Variants in ACACA observed in about 807,000 individuals in gnomAD.
ACACA encodes acetyl-CoA carboxylase 1.
In ACACA, 103 loss-of-function variants were observed where a neutral mutation model predicts 296.1. The observed-to-expected ratio is 0.35, with a 90% confidence interval of 0.30 to 0.41. ACACA has a LOEUF of 0.41. Among genes scored for constraint, ACACA ranks in the 10% least tolerant of loss-of-function variants. The probability of loss-of-function intolerance (pLI) is 1.00; values close to 1 mark genes in which losing one functional copy is unlikely to be tolerated. For synonymous variants in ACACA, 953 were observed against 1,038.6 expected (o/e 0.92, Z 1.58); for missense variants, 1,554 against 2,989.7 (o/e 0.52, Z 11.20).
At chr17:37,223,242 G>T (rs2079378623) in intron 28 of ACACA, among the ~76,000 whole-genome samples, 1 of 152,146 alleles carries the variant, frequency 6.6e-6, no homozygotes, top group African/African-American at 2.4e-5. Context: ...TGAAATGGGA[G>T]AATTCAAATA....
chr17:37,129,830 G>A (rs2075004508), intron 46 of ACACA, among the ~76,000 whole-genome samples: 1 of 152,148 alleles, frequency 6.6e-6, no homozygotes, highest in Non-Finnish European at 1.5e-5. Flanking sequence ...GCCTTAGGTA[G>A]GCCATGAGGG....
intron 1 of ACACA, among the ~76,000 whole-genome samples, chr17:37,399,844 C>T (rs1052114065): frequency 4.0e-5 from 6 of 151,888 alleles, no homozygotes; most frequent in Admixed American, 1.3e-4. Flanking sequence ...TGGTTTTTTG[C>T]TTTATTTTTA....
At chr17:37,361,269 C>A (rs1233627476) in intron 1 of ACACA, among the ~76,000 whole-genome samples, 1 of 151,980 alleles carries the variant, frequency 6.6e-6, no homozygotes, top group Non-Finnish European at 1.5e-5. Context: ...GATCTCTTGA[C>A]CTCGTGATCC....
chr17:37,334,812 G>A (rs368024570), intron 2 of ACACA, among the ~76,000 whole-genome samples: 4 of 134,294 alleles, frequency 3.0e-5, no homozygotes, highest in African/African-American at 5.8e-5. Context: ...AGAATGCAGC[G>A]TCCCGGAAAT....
intron 50 of ACACA, among the ~76,000 whole-genome samples, chr17:37,118,680 T>G (rs2074375833): frequency 6.6e-6 from 1 of 152,192 alleles, no homozygotes; most frequent in African/African-American, 2.4e-5. Flanking sequence ...ACTCTGCCAT[T>G]TTGTAGCTGA....
intron 3 of ACACA, among the ~76,000 whole-genome samples, chr17:37,310,663 TG>T (rs2084086244): frequency 6.6e-6 from 1 of 151,194 alleles, no homozygotes. Context: ...GGCATGATGG[TG>T]GGCGCCTGTA....
chr17:37,317,720 A>G (rs1476568274), intron 3 of ACACA, among the ~76,000 whole-genome samples: 1 of 152,224 alleles, frequency 6.6e-6, no homozygotes. Context: ...TTGAAATAAT[A>G]AAAGTAATAA....
intron 45 of ACACA, among the ~76,000 whole-genome samples, chr17:37,143,283 C>CTTT (rs79160054): frequency 7.3e-6 from 1 of 137,438 alleles, no homozygotes; most frequent in Non-Finnish European, 1.6e-5. Flanking sequence ...ACAGCTGCAA[C>CTTT]TTTTTTTTTT....
intron 38 of ACACA, among the ~76,000 whole-genome samples, chr17:37,190,029 GA>G (rs34390024): frequency 1.2e-3 from 159 of 133,296 alleles, no homozygotes; most frequent in African/African-American, 1.3e-3. Context: ...AAAAGAAAAA[GA>G]AAAAAAAAAA....
chr17:37,216,189 C>CACATGTGT (rs559609131), intron 29 of ACACA, among the ~76,000 whole-genome samples: 6 of 141,316 alleles, frequency 4.2e-5, no homozygotes, highest in East Asian at 4.1e-4. Flanking sequence ...CATACACACA[C>CACATGTGT]GTGTGTGTGT....
chr17:37,160,273 T>G lies in ACACA; in HGVS notation c.5349+1508A>C, dbSNP rs533065198. On this transcript the variant is annotated intron_variant, in intron 42 of 55. Transcript: ENST00000616317. ...AGGAAGTGTTGATCGTACACTTAAG[T>G]TAGCAAGAAAGGAGATCAAATGTAC... Among the ~76,000 whole-genome samples the G allele has an allele frequency of 2.6e-5, 4 of 152,274 alleles. No individual in the cohort carries two copies. The East Asian group carries it at 7.7e-4, about 29-fold the overall frequency.
intron 41 of ACACA, 133 bp downstream of exon 41, chr17:37,179,127 C>T: frequency 9.0e-7 from 1 of 1,109,292 alleles, no homozygotes; most frequent in Non-Finnish European, 1.3e-6. Flanking sequence ...TCTTGATACT[C>T]AGTCAATGCT....
Position 37,208,918 on chromosome 17 carries a change from T to G in ACACA, c.3708-1118A>C, listed in dbSNP as rs190310342. ...CCTTGAAGTACACCACCTGCGGTGT[T>G]GCAGGGGGAAGAGAGACGACAACGT... On this transcript the variant is annotated intron_variant, in intron 30 of 55. Transcript: ENST00000616317. Among the ~76,000 whole-genome samples the G allele has an allele frequency of 6.6e-5, 10 of 152,322 alleles. No individual in the cohort carries two copies. In the East Asian group the frequency reaches 1.9e-3, roughly 29 times the overall value.
At chr17:37,381,749 TC>T (rs1228732584) in intron 1 of ACACA, among the ~76,000 whole-genome samples, 1 of 149,370 alleles carries the variant, frequency 6.7e-6, no homozygotes. Flanking sequence ...TGCCTCAGCC[TC>T]CCGAGTAGCT....
At chr17:37,218,689 A>G (rs189871449) in intron 29 of ACACA, among the ~76,000 whole-genome samples, 2 of 152,348 alleles carry the variant, frequency 1.3e-5, no homozygotes, top group Admixed American at 1.3e-4. Context: ...AGGTTAGTGG[A>G]CATAACTGAG....
rs1042520369 is a variant in ACACA at position 37,258,385 on chromosome 17, T to C, written c.1501-12A>G. 3.1e-6 allele frequency: 5 copies of C among 1,613,452 alleles called. No individual in the cohort carries two copies. In the African/African-American group the frequency reaches 6.7e-5, roughly 22 times the overall value. ...ATCCCCATGGCAATCTGAAAGGTAA[T>C]AAAACACACATCTTTAATTTTTCAG... On this transcript the variant is annotated splice_polypyrimidine_tract_variant and intron_variant, in intron 12 of 55. Transcript: ENST00000616317.
In ACACA at chr17:37,274,258, T is replaced by C. The variant is rs752379627; in HGVS notation, c.943A>G (p.Ile315Val). 8.7e-6 allele frequency: 14 copies of C among 1,614,184 alleles called. No individual in the cohort carries two copies. The highest frequency in any genetic ancestry group is 1.2e-5 in the Non-Finnish European group (14 of 1,180,020). Residue 315 changes from isoleucine (I) to valine (V), a missense_variant, in exon 9 of 56, where the codon ATC becomes GTC. Ile to Val is a conservative substitution (Grantham distance 29, BLOSUM62 3). Coordinates refer to ENST00000616317, the MANE Select transcript of ACACA (RefSeq NM_198834.3). ...DWQENDFSKR[I>V]LNVPQELYEK... ...TATAGCTCCTGGGGAACATTTAAGA[T>C]ACGTTTTGAAAAATCATTTTCCTGC...
chr17:37,404,548 T>C (rs1436144137), intron 1 of ACACA, among the ~76,000 whole-genome samples: 1 of 150,580 alleles, frequency 6.6e-6, no homozygotes, highest in Non-Finnish European at 1.5e-5. Context: ...TACCATCCAT[T>C]CTCCACACAG....
chr17:37,242,326 A>T (rs2080454530), intron 22 of ACACA, among the ~76,000 whole-genome samples: 2 of 152,180 alleles, frequency 1.3e-5, no homozygotes, highest in Non-Finnish European at 1.5e-5. Context: ...CAAGGTCAAG[A>T]TCCAAACATC....
Sources: allele counts gnomAD v4.1 joint callset (sites outside exome capture counted in the v4.1 genomes callset), GRCh38; gene constraint gnomAD v4.1.1; transcripts MANE v1.5; gene names NCBI Gene and HGNC (gene_info 2026-07-23, HGNC 2026-07-21).